Variants in DCP1A observed in about 807,000 individuals in gnomAD.
DCP1A encodes the protein decapping mRNA 1A.
In DCP1A, 20 loss-of-function variants were observed where a neutral mutation model predicts 58.0. That is an observed-to-expected ratio of 0.34 (90% CI 0.24 to 0.50). The LOEUF is 0.50. DCP1A is among the 20% of genes least tolerant of loss of function. The pLI is 0.98. For missense variants in DCP1A, 613 were observed against 712.2 expected (o/e 0.86, Z 1.59); for synonymous variants, 285 against 275.1 (o/e 1.04, Z -0.36).
At chr3:53,289,042 A>C (rs1553685597) in intron 8 of DCP1A, among the ~76,000 whole-genome samples, 1 of 149,762 alleles carries the variant, frequency 6.7e-6, no homozygotes, top group African/African-American at 2.4e-5. Context: ...GCAGGGTCTC[A>C]TTCTGTCACC....
Position 53,292,060 on chromosome 3 carries a change from T to G in DCP1A, c.1383+9A>C. On this transcript the variant is annotated intron_variant, in intron 7 of 9. Transcript: ENST00000610213. ...CCCACTCTGCCCACCCCCACCCTCC[T>G]GCCATTACCTGAAGGGGAGCAAGCA... 9.8e-7 allele frequency: 1 copy of G among 1,018,000 alleles called. No homozygotes were observed. The highest frequency in any genetic ancestry group is 1.5e-6 in the Non-Finnish European group (1 of 681,148). The allele number at this position is 1,018,000 out of a possible 1,614,324, so 63.1% of individuals were successfully genotyped here. A position where few individuals can be genotyped will look rare whatever the true frequency, so the allele number is the denominator to read the frequency against.
chr3:53,286,448 AAAG>A lies in DCP1A; in HGVS notation c.*1129_*1131del, dbSNP rs1442636887. Reference sequence around the variant, plus strand: ...TTACTAAACACCATTACATGCCATAAAAGAATAAATAGAAATCATGGCAGATCA... The same window carrying A: ...TTACTAAACACCATTACATGCCATAAAATAAATAGAAATCATGGCAGATCA... On this transcript the variant is annotated 3_prime_UTR_variant, in exon 10 of 10. Coordinates refer to ENST00000610213, the MANE Select transcript of DCP1A (RefSeq NM_018403.7). 1 of 152,244 alleles carries A rather than the reference AAAG, an allele frequency of 6.6e-6. No individual in the cohort carries two copies. The highest frequency in any genetic ancestry group is 2.4e-5 in the African/African-American group (1 of 41,470). 9.4% of individuals were successfully genotyped at this position (152,244 alleles called of 1,614,324 possible). A position where few individuals can be genotyped will look rare whatever the true frequency, so the allele number is the denominator to read the frequency against.
At chr3:53,336,014 G>C (rs782628046) in intron 3 of DCP1A, among the ~76,000 whole-genome samples, 3 of 151,928 alleles carry the variant, frequency 2.0e-5, no homozygotes, top group Non-Finnish European at 4.4e-5. Context: ...TGCTCATGTT[G>C]GTCTTGAACT....
chr3:53,289,358 C>CCTAG lies in DCP1A; in HGVS notation c.1450-1079_1450-1076dup, dbSNP rs538312918. Among the ~76,000 whole-genome samples the CCTAG allele has an allele frequency of 3.0e-4, 46 of 151,222 alleles. No individual in the cohort carries two copies. The East Asian group carries it at 7.3e-3, about 24-fold the overall frequency. On this transcript the variant is annotated intron_variant, in intron 8 of 9. Coordinates refer to ENST00000610213, the MANE Select transcript of DCP1A (RefSeq NM_018403.7). ...GGGAGTGGTGGCTCATGCCTGTAAT[C>CCTAG]CTAGCACTTTGGGAGGCCTAGGTGG... is the stretch of plus-strand genomic sequence containing the variant.
At chr3:53,342,846 T>C (rs2089232035) in intron 2 of DCP1A, among the ~76,000 whole-genome samples, 1 of 152,216 alleles carries the variant, frequency 6.6e-6, no homozygotes, top group Admixed American at 6.5e-5. Context: ...GGAGCTTTTG[T>C]CTTACTTTTT....
At chr3:53,322,201 C>A (rs1553690051) in intron 3 of DCP1A, among the ~76,000 whole-genome samples, 1 of 152,094 alleles carries the variant, frequency 6.6e-6, no homozygotes, top group Non-Finnish European at 1.5e-5. Flanking sequence ...GCCTGTAATC[C>A]TGGCACCCTG....
intron 6 of DCP1A, among the ~76,000 whole-genome samples, chr3:53,295,799 A>T (rs1309782755): frequency 2.0e-5 from 3 of 152,220 alleles, no homozygotes; most frequent in Admixed American, 6.5e-5. Context: ...ATCTCAGAAC[A>T]CTGTTGTGAA....
At chr3:53,322,373 ACT>A (rs1553690087) in intron 3 of DCP1A, among the ~76,000 whole-genome samples, 5 of 151,634 alleles carry the variant, frequency 3.3e-5, no homozygotes, top group African/African-American at 1.2e-4. Context: ...ACTCTCTTGA[ACT>A]GGGAGGTGGA....
At chr3:53,294,724 T>C (rs1274589444) in intron 6 of DCP1A, among the ~76,000 whole-genome samples, 3 of 151,630 alleles carry the variant, frequency 2.0e-5, no homozygotes, top group African/African-American at 7.3e-5. Context: ...GCCTGAGGAG[T>C]GCTGTCCACT....
intron 4 of DCP1A, among the ~76,000 whole-genome samples, chr3:53,317,822 G>A (rs143568582): frequency 1.3e-5 from 2 of 152,106 alleles, no homozygotes; most frequent in East Asian, 1.9e-4. Context: ...CATACAGAAC[G>A]ATGCCCTTGG....
intron 5 of DCP1A, among the ~76,000 whole-genome samples, chr3:53,308,605 T>C (rs1707545716): frequency 6.6e-6 from 1 of 151,498 alleles, no homozygotes. Flanking sequence ...TTTTCTTTTT[T>C]CTTTTTAAGA....
At chr3:53,290,312 G>A (rs1275193296) in intron 8 of DCP1A, among the ~76,000 whole-genome samples, 7 of 152,132 alleles carry the variant, frequency 4.6e-5, no homozygotes, top group African/African-American at 1.2e-4. Flanking sequence ...TGCCACCTGG[G>A]ACATCACAGC....
Position 53,287,659 on chromosome 3 carries a change from T to C in DCP1A, c.1670A>G (p.Asn557Ser), listed in dbSNP as rs993608023. The change falls in exon 10 of 10, where the codon AAT becomes AGT. Residue 557 changes from asparagine to serine, a missense_variant and splice_region_variant. By Grantham distance (46) the Asn-to-Ser change is conservative. Coordinates refer to ENST00000610213, the MANE Select transcript of DCP1A (RefSeq NM_018403.7). ...AAGTGTACTGAGGAAGCTGGAATCA[T>C]TCTAGAAGAGATGGTAAAGGTTAAG... ...LQDTLIHLIK[N>S]DSSFLSTLHE... 5.0e-6 allele frequency: 8 copies of C among 1,608,362 alleles called. No individual in the cohort carries two copies. The highest frequency in any genetic ancestry group is 1.7e-6 in the Non-Finnish European group (2 of 1,174,992).
intron 1 of DCP1A, 101 bp downstream of exon 1, chr3:53,347,282 C>A (rs1348056284): frequency 1.5e-6 from 2 of 1,355,670 alleles, no homozygotes; most frequent in Non-Finnish European, 1.9e-6. Context: ...CTCCACCGCC[C>A]TGGCCTCTTA....
At chr3:53,313,557 A>G (rs1707712119) in intron 4 of DCP1A, among the ~76,000 whole-genome samples, 11 of 152,134 alleles carry the variant, frequency 7.2e-5, no homozygotes. Flanking sequence ...ATATTTTATT[A>G]TTTCCTATAT....
At chr3:53,345,704 G>A (rs1406853868) in intron 1 of DCP1A, among the ~76,000 whole-genome samples, 5 of 152,128 alleles carry the variant, frequency 3.3e-5, no homozygotes, top group Non-Finnish European at 5.9e-5. Flanking sequence ...TATTGAATGT[G>A]TTGGGATTAA....
intron 5 of DCP1A, among the ~76,000 whole-genome samples, chr3:53,307,302 A>G (rs957835443): frequency 7.2e-5 from 11 of 152,104 alleles, no homozygotes; most frequent in Non-Finnish European, 2.9e-5. Context: ...TCAGCCTTCC[A>G]AAGTGCTGGA....
At chr3:53,304,429 G>A (rs548455094) in intron 5 of DCP1A, 139 bp from the exon 6 acceptor site, 153 of 601,152 alleles carry the variant, frequency 2.5e-4, no homozygotes, top group Admixed American at 4.1e-4. Flanking sequence ...TGTTTGCTCT[G>A]TACTCCAATG....
At chr3:53,338,689 G>A (rs191524058) in intron 3 of DCP1A, among the ~76,000 whole-genome samples, 126 of 151,840 alleles carry the variant, frequency 8.3e-4, no homozygotes, top group South Asian at 6.9e-3. Flanking sequence ...GTGAAACCCC[G>A]TCTCTACTAA....
Sources: gnomAD v4.1 joint callset for allele counts (sites outside exome capture counted in the v4.1 genomes callset) on GRCh38, gnomAD v4.1.1 for gene constraint, MANE v1.5 for transcripts, NCBI Gene and HGNC (gene_info 2026-07-23, HGNC 2026-07-21) for gene names.